Variants in KIF18A observed in about 807,000 individuals in gnomAD.
The protein encoded by KIF18A is kinesin-like protein KIF18A.
A neutral mutation model predicts 103.3 loss-of-function variants in KIF18A; 67 were observed. The observed-to-expected ratio is 0.65, with a 90% confidence interval of 0.53 to 0.79. KIF18A has a LOEUF of 0.79. Ranked by LOEUF, KIF18A falls within the 30% of genes least tolerant of loss-of-function variation. The probability of loss-of-function intolerance (pLI) is 0.00; values close to 1 mark genes in which losing one functional copy is unlikely to be tolerated. For missense variants in KIF18A, 1,032 were observed against 1,062.5 expected, an observed-to-expected ratio of 0.97 and a Z score of 0.40; for synonymous variants, 367 against 355.5, an observed-to-expected ratio of 1.03 and a Z score of -0.36.
At chr11:28,071,222 ATTC>A (rs1851008877) in intron 10 of KIF18A, among the ~76,000 whole-genome samples, 1 of 152,184 alleles carries the variant, frequency 6.6e-6, no homozygotes. Flanking sequence ...GTCTTTTAAA[ATTC>A]TTGTTTGCTC....
chr11:28,051,787 C>T (rs760737803), intron 13 of KIF18A, among the ~76,000 whole-genome samples: 10 of 151,910 alleles, frequency 6.6e-5, no homozygotes, highest in African/African-American at 9.7e-5. Context: ...TAACAACTCT[C>T]GAATTTATGT....
intron 1 of KIF18A, among the ~76,000 whole-genome samples, chr11:28,105,320 A>G (rs1851490436): frequency 6.6e-6 from 1 of 152,196 alleles, no homozygotes. Context: ...AAGGCCAAAT[A>G]CTTAATCACT....
At chr11:28,091,182 ATACG>A (rs1851298861) in intron 4 of KIF18A, among the ~76,000 whole-genome samples, 2 of 151,972 alleles carry the variant, frequency 1.3e-5, no homozygotes, top group African/African-American at 4.8e-5. Context: ...ACATACATAC[ATACG>A]TAGATTAAAA....
At chr11:28,046,081 T>C (rs1009057163) in intron 13 of KIF18A, among the ~76,000 whole-genome samples, 3 of 151,182 alleles carry the variant, frequency 2.0e-5, no homozygotes, top group African/African-American at 7.3e-5. Context: ...TAGGAACACT[T>C]TTACACTGTT....
At chr11:28,032,268 ATAT>A (rs1031754402) in intron 15 of KIF18A, among the ~76,000 whole-genome samples, 66 of 152,118 alleles carry the variant, frequency 4.3e-4, no homozygotes, top group African/African-American at 1.5e-3. Flanking sequence ...GGAAGAATCA[ATAT>A]TGTTAAAATG....
intron 15 of KIF18A, among the ~76,000 whole-genome samples, chr11:28,026,273 C>T (rs745545134): frequency 6.6e-6 from 1 of 151,652 alleles, no homozygotes; most frequent in African/African-American, 2.4e-5. Flanking sequence ...AAATGAAATA[C>T]ATATATAGAG....
chr11:28,072,024 C>A (rs964549314), intron 10 of KIF18A, among the ~76,000 whole-genome samples: 1 of 152,076 alleles, frequency 6.6e-6, no homozygotes, highest in Non-Finnish European at 1.5e-5. Flanking sequence ...TCAAATGTAT[C>A]CTCTGTGATG....
Position 28,060,694 on chromosome 11 carries a change from A to G in KIF18A, c.1713-1533T>C, listed in dbSNP as rs548933408. Among the ~76,000 whole-genome samples, 3 of 150,516 alleles carry G rather than the reference A, an allele frequency of 2.0e-5. No individual in the cohort carries two copies. In the East Asian group the frequency reaches 6.5e-4, roughly 32 times the overall value. On this transcript the variant is annotated intron_variant, in intron 12 of 16. Coordinates refer to ENST00000263181, the MANE Select transcript of KIF18A (RefSeq NM_031217.4). ...AGGGTTCCCAGCATTTCCAGAACTC[A>G]TATGACAAGAGTGGCTCACTGTGCT... is the stretch of plus-strand genomic sequence containing the variant.
chr11:28,099,232 G>A (rs769192677), intron 1 of KIF18A, among the ~76,000 whole-genome samples: 25 of 152,134 alleles, frequency 1.6e-4, no homozygotes, highest in South Asian at 4.1e-4. Context: ...AAATAAGCCA[G>A]GTACAAAAAG....
chr11:28,073,711 T>A (rs1851052834), intron 10 of KIF18A, among the ~76,000 whole-genome samples: 1 of 152,206 alleles, frequency 6.6e-6, no homozygotes, highest in South Asian at 2.1e-4. Context: ...TTATTATTAC[T>A]ATTTATATGA....
At chr11:28,041,004 CAT>C (rs1388230527) in intron 13 of KIF18A, among the ~76,000 whole-genome samples, 1 of 151,634 alleles carries the variant, frequency 6.6e-6, no homozygotes, top group Non-Finnish European at 1.5e-5. Flanking sequence ...CCAGGATCAA[CAT>C]ATGTTTTATT....
chr11:28,054,314 G>A, intron 13 of KIF18A, among the ~76,000 whole-genome samples: 1 of 151,512 alleles, frequency 6.6e-6, no homozygotes, highest in African/African-American at 2.4e-5. Flanking sequence ...AAGCTGAAGT[G>A]TTCCTCCCAG....
intron 15 of KIF18A, among the ~76,000 whole-genome samples, chr11:28,026,129 A>T (rs1850316009): frequency 6.6e-6 from 1 of 151,862 alleles, no homozygotes; most frequent in African/African-American, 2.4e-5. Flanking sequence ...AATTTAGTAA[A>T]ATAGTGTGCT....
At chr11:28,025,649 G>A (rs975974452) in intron 15 of KIF18A, among the ~76,000 whole-genome samples, 8 of 151,828 alleles carry the variant, frequency 5.3e-5, no homozygotes, top group African/African-American at 1.5e-4. Context: ...ACATGTTTAC[G>A]ATTTAGTTAA....
At chr11:28,089,778 A>T (rs1365109663) in intron 5 of KIF18A, among the ~76,000 whole-genome samples, 1 of 152,226 alleles carries the variant, frequency 6.6e-6, no homozygotes, top group African/African-American at 2.4e-5. Context: ...GATTATCTGA[A>T]CTACATTAGG....
intron 4 of KIF18A, 50 bp from the exon 5 acceptor site, chr11:28,090,777 T>G (rs746293927): frequency 1.2e-6 from 1 of 842,168 alleles, no homozygotes; most frequent in Admixed American, 2.1e-5. Flanking sequence ...AATATATCTT[T>G]AAATTTTTCA....
At chr11:28,078,625 T>C (rs928253522) in intron 9 of KIF18A, among the ~76,000 whole-genome samples, 4 of 152,132 alleles carry the variant, frequency 2.6e-5, no homozygotes, top group Non-Finnish European at 5.9e-5. Context: ...TTTTAGGTAA[T>C]ACATGAGTAT....
intron 9 of KIF18A, 28 bp downstream of exon 9, chr11:28,082,828 C>A: frequency 1.5e-6 from 2 of 1,357,774 alleles, no homozygotes; most frequent in Non-Finnish European, 2.1e-6. Flanking sequence ...ATAAATTCCT[C>A]AAAATTAGAT....
chr11:28,092,097 G>A (rs1043183031), intron 3 of KIF18A, among the ~76,000 whole-genome samples: 1 of 152,140 alleles, frequency 6.6e-6, no homozygotes, highest in Non-Finnish European at 1.5e-5. Flanking sequence ...TTACAGGCGT[G>A]AGCCACCGCG....
Sources: allele counts gnomAD v4.1 joint callset (sites outside exome capture counted in the v4.1 genomes callset), GRCh38; gene constraint gnomAD v4.1.1; transcripts MANE v1.5; gene names NCBI Gene and HGNC (gene_info 2026-07-23, HGNC 2026-07-21).